The following RAD52 variants were observed in gnomAD, a reference collection of about 807,000 sequenced individuals.
RAD52 encodes the protein DNA repair protein RAD52 homolog.
In RAD52, 47 loss-of-function variants were observed where a neutral mutation model predicts 55.5. The observed-to-expected ratio is 0.85, with a 90% CI of 0.67 to 1.08. RAD52 has a LOEUF of 1.08. RAD52 is among the 50% of genes least tolerant of loss of function. RAD52 has a pLI of 0.00. For synonymous variants in RAD52, 184 were observed against 198.9 expected (o/e 0.92, Z 0.63); for missense variants, 468 against 522.8 (o/e 0.90, Z 1.02).
intron 1 of RAD52, among the ~76,000 whole-genome samples, chr12:981,796 A>AAAATAAAAT (rs1208853936): frequency 6.6e-6 from 1 of 151,876 alleles, no homozygotes; most frequent in Non-Finnish European, 1.5e-5. Context: ...AAAATAAAAT[A>AAAATAAAAT]AAATAAAATA....
At chr12:988,677 A>G (rs1189086721) in intron 1 of RAD52, among the ~76,000 whole-genome samples, 1 of 152,216 alleles carries the variant, frequency 6.6e-6, no homozygotes, top group African/African-American at 2.4e-5. Flanking sequence ...GTCTGTGCAC[A>G]TGCAAAGAGA....
chr12:990,755 C>G (rs564546665), upstream of RAD52: 7 of 152,004 alleles, frequency 4.6e-5, no homozygotes, highest in East Asian at 1.2e-3. Flanking sequence ...CGGCGCTTGG[C>G]TGCCCCGGGC....
upstream of RAD52, chr12:990,158 A>G (rs1291628591): frequency 6.6e-6 from 1 of 152,226 alleles, no homozygotes; most frequent in Admixed American, 6.5e-5. Flanking sequence ...GGCAGTATAA[A>G]GTGGTTAATT....
In RAD52 at chr12:916,677, G is replaced by A. The variant is rs1298538728; in HGVS notation, c.687C>T (p.Ser229=). ...CCTGGTCCGCCGGTATCACAGCATG[G>A]CTGGGTCTGGAAGGGGAGGTCACCT... The part of the protein sequence containing the change: ...LQQVTSPSRP[S]HAVIPADQDC... Residue 229 remains serine, a synonymous_variant, in exon 8 of 12, where the codon AGC becomes AGT. Coordinates refer to ENST00000358495, the MANE Select transcript of RAD52 (RefSeq NM_134424.4). 3 of 1,614,094 alleles carry A rather than the reference G, an allele frequency of 1.9e-6. No individual in the cohort carries two copies. The highest frequency in any genetic ancestry group is 2.5e-6 in the Non-Finnish European group (3 of 1,179,992).
chr12:931,796 CG>C (rs1565671620), intron 2 of RAD52, among the ~76,000 whole-genome samples: 1 of 152,124 alleles, frequency 6.6e-6, no homozygotes. Context: ...GGAAAGAGCA[CG>C]GGGGTAGGAA....
At chr12:963,825 A>T (rs1211937395) in intron 1 of RAD52, among the ~76,000 whole-genome samples, 4 of 145,270 alleles carry the variant, frequency 2.8e-5, no homozygotes, top group Admixed American at 6.9e-5. Flanking sequence ...ATCGGCAAGT[A>T]AAAAAAAAAA....
chr12:919,834 T>C (rs146110744), intron 7 of RAD52, among the ~76,000 whole-genome samples: 1,222 of 113,628 alleles, frequency 0.011, 325 homozygotes, highest in African/African-American at 0.043. Context: ...GGGCGGATCA[T>C]CTGAGGTTAA....
At chr12:929,776 C>T (rs772341710) in intron 5 of RAD52, 43 bp downstream of exon 5, 3 of 1,570,666 alleles carry the variant, frequency 1.9e-6, no homozygotes, top group Admixed American at 1.7e-5. Flanking sequence ...TCTCCTACCA[C>T]CCACTGATCC....
intron 1 of RAD52, among the ~76,000 whole-genome samples, chr12:940,820 A>ATGAC (rs1314381242): frequency 6.6e-6 from 1 of 152,094 alleles, no homozygotes; most frequent in African/African-American, 2.4e-5. Context: ...ATCATCCTGA[A>ATGAC]TGACTGTCAC....
At chr12:933,599 C>T (rs553294662) in intron 1 of RAD52, among the ~76,000 whole-genome samples, 43 of 152,234 alleles carry the variant, frequency 2.8e-4, no homozygotes, top group African/African-American at 9.4e-4. Flanking sequence ...AGGTCTACTT[C>T]TACCTTTCTG....
intron 1 of RAD52, among the ~76,000 whole-genome samples, chr12:941,943 G>T (rs139355101): frequency 6.3e-4 from 96 of 152,168 alleles, no homozygotes; most frequent in East Asian, 5.8e-3. Context: ...GGCCTAAAAA[G>T]AAATTTTAAA....
chr12:958,134 G>A lies in RAD52; in HGVS notation c.-18-25058C>T, dbSNP rs146605014. On this transcript the variant is annotated intron_variant, in intron 1 of 11. Transcript: ENST00000430095. ...GGCTCCTCTCCATGTGGGCCTCTCC[G>A]CAGACGGGATTTCTCAGGGTGCATG... 8.7e-4 allele frequency among the ~76,000 whole-genome samples: 133 copies of A among 152,350 alleles called. 1 individual carries two copies. Among genetic ancestry groups the A allele is most frequent in the East Asian group, 5.8e-3 (30 of 5,184 alleles).
chr12:922,174 C>T (rs555797122), intron 7 of RAD52, among the ~76,000 whole-genome samples: 6 of 143,070 alleles, frequency 4.2e-5, no homozygotes, highest in East Asian at 4.1e-4. Context: ...TAAAATATCA[C>T]GCCCATTAGG....
chr12:965,876 A>C (rs772580359), intron 1 of RAD52, among the ~76,000 whole-genome samples: 2 of 151,960 alleles, frequency 1.3e-5, no homozygotes, highest in African/African-American at 4.8e-5. Flanking sequence ...TAGTAGAGAC[A>C]GGGTTTCGCC....
chr12:967,349 T>C (rs1033826834), intron 1 of RAD52, among the ~76,000 whole-genome samples: 1 of 145,182 alleles, frequency 6.9e-6, no homozygotes, highest in Non-Finnish European at 1.5e-5. Context: ...ACTGCACTCA[T>C]CCAGCCTGGG....
Position 931,239 on chromosome 12 carries a change from A to G in RAD52, c.167T>C (p.Met56Thr). 1 of 1,612,588 alleles carries G rather than the reference A, an allele frequency of 6.2e-7. No homozygotes were observed. The highest frequency in any genetic ancestry group is 8.5e-7 in the Non-Finnish European group (1 of 1,179,606). Reference protein sequence around the residue: ...RLGPEYISSRMAGGGQKVCYI... With the variant: ...RLGPEYISSRTAGGGQKVCYI... ...TCCTACCTTCTGGCCTCCGCCAGCC[A>G]TGCGGCTACTTATGTATTCTGGGCC... Residue 56 changes from methionine (M) to threonine (T), a missense_variant, in exon 3 of 12, where the codon ATG becomes ACG. Transcript: ENST00000358495.
chr12:931,147 A>G (rs1957306485), intron 3 of RAD52, 73 bp downstream of exon 3: 2 of 1,251,006 alleles, frequency 1.6e-6, no homozygotes, highest in Admixed American at 1.8e-5. Context: ...CTGAGGACCC[A>G]GAGAGGGAAC....
chr12:927,053 T>C (rs1039374631), intron 6 of RAD52, 92 bp downstream of exon 6: 3 of 1,518,172 alleles, frequency 2.0e-6, no homozygotes, highest in South Asian at 1.1e-5. Context: ...TTTTGAACCA[T>C]GTGGATGTGT....
rs192475000 is a variant in RAD52, at chr12:965,140, C to T, written c.-19+24669G>A. ...GAGTACAGGTGCGCACCACCACGCCCGGCTAATTTTTGTATTTTTAGTAGA... is the reference window on the plus strand; with the variant it reads ...GAGTACAGGTGCGCACCACCACGCCTGGCTAATTTTTGTATTTTTAGTAGA... On this transcript the variant is annotated intron_variant, in intron 1 of 11. Coordinates refer to the RAD52 transcript ENST00000430095. 2.9e-3 allele frequency among the ~76,000 whole-genome samples: 436 copies of T among 151,816 alleles called. 4 individuals carry two copies. The highest frequency in any genetic ancestry group is 3.3e-3 in the East Asian group (17 of 5,130).
Sources: gnomAD v4.1 joint callset for allele counts (sites outside exome capture counted in the v4.1 genomes callset) on GRCh38, gnomAD v4.1.1 for gene constraint, MANE v1.5 for transcripts, NCBI Gene and HGNC (gene_info 2026-07-23, HGNC 2026-07-21) for gene names.